PTK2B: variants seen among roughly 807,000 people sequenced by gnomAD.
PTK2B encodes protein-tyrosine kinase 2-beta.
PTK2B carries 71 observed loss-of-function variants against 142.9 expected under a neutral mutation model. The ratio of observed to expected loss-of-function variants is 0.50; its 90% CI spans 0.41 to 0.61. The LOEUF (loss-of-function observed/expected upper bound fraction) is 0.61. Ranked by LOEUF, PTK2B falls within the 20% of genes least tolerant of loss-of-function variation. The pLI is 0.00. For synonymous variants in PTK2B, 519 were observed against 503.4 expected, an observed-to-expected ratio of 1.03 and a Z score of -0.42; for missense variants, 1,105 against 1,320.4, an observed-to-expected ratio of 0.84 and a Z score of 2.53.
intron 18 of PTK2B, chr8:27,438,141 G>A (rs376954699): frequency 4.9e-6 from 2 of 404,810 alleles, no homozygotes; most frequent in African/African-American, 2.0e-5. Context: ...AGACCTTCTA[G>A]CCCCTCCCCT....
chr8:27,425,853 CAT>C (rs1392902018), intron 5 of PTK2B, among the ~76,000 whole-genome samples: 1 of 152,172 alleles, frequency 6.6e-6, no homozygotes, highest in Non-Finnish European at 1.5e-5. Context: ...TCCAGAATCT[CAT>C]ATAGTTGGAA....
chr8:27,426,456 T>G (rs1488453010), intron 5 of PTK2B, among the ~76,000 whole-genome samples: 1 of 152,214 alleles, frequency 6.6e-6, no homozygotes, highest in Non-Finnish European at 1.5e-5. Flanking sequence ...GAGACGTGGG[T>G]GCCCCTGGAG....
At chr8:27,429,987 C>A in intron 5 of PTK2B, 106 bp from the exon 6 acceptor site, 1 of 1,018,562 alleles carries the variant, frequency 9.8e-7, no homozygotes, top group Non-Finnish European at 1.6e-6. Context: ...CCTGATGATT[C>A]CCACGTATGG....
At position 27,458,660 on chromosome 8, in the gene PTK2B, A is replaced by T; in HGVS notation, c.*151A>T. On this transcript the variant is annotated 3_prime_UTR_variant, in exon 31 of 31. Coordinates refer to ENST00000346049, the MANE Select transcript of PTK2B (RefSeq NM_173176.3). ...TGCACGACGCCCTCTCCCCACCCCTACCCCTGGCTGTACTGCTCAGGCTGC... is the reference window on the plus strand; with the variant it reads ...TGCACGACGCCCTCTCCCCACCCCTTCCCCTGGCTGTACTGCTCAGGCTGC... 5 of 739,538 alleles carry T rather than the reference A, an allele frequency of 6.8e-6. No homozygotes were observed. The highest frequency in any genetic ancestry group is 1.1e-5 in the Non-Finnish European group (5 of 449,356). 45.8% of individuals were successfully genotyped at this position (739,538 alleles called of 1,614,324 possible). A position where few individuals can be genotyped will look rare whatever the true frequency, so the allele number is the denominator to read the frequency against.
At chr8:27,346,455 A>G (rs994759951) in intron 1 of PTK2B, among the ~76,000 whole-genome samples, 3 of 152,170 alleles carry the variant, frequency 2.0e-5, no homozygotes, top group Non-Finnish European at 4.4e-5. Flanking sequence ...CTGAAGTGGG[A>G]GAATTTCTTG....
chr8:27,360,989 G>A (rs533005889), intron 1 of PTK2B, among the ~76,000 whole-genome samples: 2 of 152,224 alleles, frequency 1.3e-5, no homozygotes, highest in East Asian at 1.9e-4. Flanking sequence ...TGAAGTTAAG[G>A]GGTACAAGTG....
intron 2 of PTK2B, among the ~76,000 whole-genome samples, chr8:27,398,217 C>T (rs529427702): frequency 1.3e-5 from 2 of 152,318 alleles, no homozygotes; most frequent in South Asian, 4.1e-4. Context: ...TGAGCATGTA[C>T]AGGAAGGCAC....
intron 1 of PTK2B, among the ~76,000 whole-genome samples, chr8:27,332,373 C>A (rs1330810186): frequency 2.0e-5 from 3 of 152,186 alleles, no homozygotes; most frequent in Admixed American, 2.0e-4. Flanking sequence ...ACATCACAGG[C>A]ATTGTCCCAG....
rs776428244 is a variant in PTK2B, at chr8:27,437,875, G to A, written c.1638G>A (p.Val546=). Residue 546 remains valine, a synonymous_variant, in exon 18 of 31, where the codon GTG becomes GTA. Coordinates refer to ENST00000346049, the MANE Select transcript of PTK2B (RefSeq NM_173176.3). ...CCTACCTGGAGAGCATCAACTGCGT[G>A]CACAGGTAGGGGTGGAGGGAGTGGC... The part of the protein sequence containing the change: ...AMAYLESINC[V]HRDIAVRNIL... 2 of 1,609,668 alleles carry A rather than the reference G, an allele frequency of 1.2e-6. No individual in the cohort carries two copies. Among genetic ancestry groups the A allele is most frequent in the Non-Finnish European group, 1.7e-6 (2 of 1,178,094 alleles).
chr8:27,364,862 T>A (rs1563222353), intron 1 of PTK2B, among the ~76,000 whole-genome samples: 1 of 152,206 alleles, frequency 6.6e-6, no homozygotes, highest in Admixed American at 6.5e-5. Flanking sequence ...CCATCTTGAG[T>A]AAGACACTAC....
chr8:27,404,079 C>G (rs1808555448), intron 2 of PTK2B, among the ~76,000 whole-genome samples: 1 of 152,062 alleles, frequency 6.6e-6, no homozygotes, highest in African/African-American at 2.4e-5. Flanking sequence ...ATCCACAGTG[C>G]CCCTGTCCTG....
intron 3 of PTK2B, among the ~76,000 whole-genome samples, chr8:27,313,683 C>T (rs1005451924): frequency 6.6e-5 from 10 of 152,150 alleles, no homozygotes; most frequent in African/African-American, 2.4e-4. Context: ...GGCTTTCTTC[C>T]CTTTTCCAGT....
chr8:27,353,278 G>A (rs750719807), intron 1 of PTK2B, among the ~76,000 whole-genome samples: 1 of 152,168 alleles, frequency 6.6e-6, no homozygotes, highest in African/African-American at 2.4e-5. Context: ...AATACTCAAG[G>A]GCAGTAGGGA....
chr8:27,398,363 G>A lies in PTK2B; in HGVS notation c.204+575G>A, dbSNP rs150003202. ...CACAACATCTGTTTTGCAGGTCCAG[G>A]TACCCACCTTCATCAGGGCACCTGG... On this transcript the variant is annotated intron_variant, in intron 2 of 30. Coordinates refer to ENST00000346049, the MANE Select transcript of PTK2B (RefSeq NM_173176.3). Among the ~76,000 whole-genome samples, 823 of 152,226 alleles carry A rather than the reference G, an allele frequency of 5.4e-3. 5 individuals carry two copies. The highest frequency in any genetic ancestry group is 0.019 in the African/African-American group (772 of 41,528).
At chr8:27,370,417 T>C (rs928200762) in intron 1 of PTK2B, among the ~76,000 whole-genome samples, 32 of 152,362 alleles carry the variant, frequency 2.1e-4, no homozygotes, top group African/African-American at 7.7e-4. Context: ...GCTTACTCTT[T>C]TGTAAACCAG....
At chr8:27,422,495 AG>A in intron 5 of PTK2B, 112 bp downstream of exon 5, 1 of 1,026,654 alleles carries the variant, frequency 9.7e-7, no homozygotes, top group Non-Finnish European at 1.4e-6. Context: ...GGAGCCAGGA[AG>A]GGGAGAGGTG....
intron 1 of PTK2B, among the ~76,000 whole-genome samples, chr8:27,366,775 A>C (rs1353363054): frequency 4.6e-5 from 7 of 151,974 alleles, no homozygotes; most frequent in Non-Finnish European, 1.0e-4. Context: ...CTCCCACTCA[A>C]GCATGTCAAG....
chr8:27,338,169 G>A (rs1804189755), intron 1 of PTK2B, among the ~76,000 whole-genome samples: 1 of 151,366 alleles, frequency 6.6e-6, no homozygotes, highest in Admixed American at 6.6e-5. Flanking sequence ...GTCTTCTTGG[G>A]AAAAAAAATG....
At chr8:27,450,920 G>T (rs1375189952) in intron 25 of PTK2B, 25 bp downstream of exon 25, 1 of 1,614,110 alleles carries the variant, frequency 6.2e-7, no homozygotes, top group Non-Finnish European at 8.5e-7. Flanking sequence ...AAGGATGTCG[G>T]TGCCCTGCAC....
Sources: gnomAD v4.1 joint callset for allele counts (sites outside exome capture counted in the v4.1 genomes callset) on GRCh38, gnomAD v4.1.1 for gene constraint, MANE v1.5 for transcripts, NCBI Gene and HGNC (gene_info 2026-07-23, HGNC 2026-07-21) for gene names.